Variants in RPLP1 observed in about 807,000 individuals in gnomAD.
The protein encoded by RPLP1 is ribosomal protein lateral stalk subunit P1.
In RPLP1, 4 loss-of-function variants were observed where a neutral mutation model predicts 11.6. The observed-to-expected ratio is 0.34, with a 90% CI of 0.17 to 0.79. The LOEUF (loss-of-function observed/expected upper bound fraction) is 0.79, where lower values mean the gene tolerates loss of function less well. Ranked by LOEUF, RPLP1 falls within the 30% of genes least tolerant of loss-of-function variation. The pLI is 0.55. For synonymous variants in RPLP1, 54 were observed against 52.2 expected (o/e 1.03, Z -0.15); for missense variants, 133 against 142.8 (o/e 0.93, Z 0.35).
rs1275591141 is a variant in RPLP1, at chr15:69,455,878, A to G, written c.*371A>G. Reference sequence around the variant, plus strand: ...AAAGCCTCCTGGGTATTTACCCTATACAACCCTGCCTAAGAACGAACTTTG... The same window carrying G: ...AAAGCCTCCTGGGTATTTACCCTATGCAACCCTGCCTAAGAACGAACTTTG... On this transcript the variant is annotated 3_prime_UTR_variant, in exon 4 of 4. Transcript: ENST00000260379. 5.5e-6 allele frequency: 1 copy of G among 180,320 alleles called. No homozygotes were observed. The highest frequency in any genetic ancestry group is 1.2e-5 in the Non-Finnish European group (1 of 85,788). 11.2% of individuals were successfully genotyped at this position (180,320 alleles called of 1,614,324 possible).
At chr15:69,454,939 A>G in intron 2 of RPLP1, 1 of 391,298 alleles carries the variant, frequency 2.6e-6, no homozygotes, top group Non-Finnish European at 4.3e-6. Flanking sequence ...TCTTATATAA[A>G]TGTATTTGCA....
rs914639118 is a variant in RPLP1 at position 69,452,845 on chromosome 15, C to G, written c.-104C>G. On this transcript the variant is annotated 5_prime_UTR_variant, in exon 1 of 4. Coordinates refer to ENST00000260379, the MANE Select transcript of RPLP1 (RefSeq NM_001003.3). ...CCTTTCCTCAGCTGCCGCCAAGGTGCTCGGTCCTTCCGAGGAAGCTAAGGC... is the reference window on the plus strand; with the variant it reads ...CCTTTCCTCAGCTGCCGCCAAGGTGGTCGGTCCTTCCGAGGAAGCTAAGGC... The G allele has an allele frequency of 3.7e-6, 4 of 1,085,604 alleles. No individual in the cohort carries two copies. Among genetic ancestry groups the G allele is most frequent in the East Asian group, 2.6e-5 (1 of 38,542 alleles). The allele number at this position is 1,085,604 out of a possible 1,614,324, so 67.2% of individuals were successfully genotyped here.
At position 69,452,868 on chromosome 15, in the gene RPLP1, G is replaced by T. The variant is rs1892367362; in HGVS notation, c.-81G>T. 1.5e-6 allele frequency: 2 copies of T among 1,320,798 alleles called. No individual in the cohort carries two copies. The highest frequency in any genetic ancestry group is 1.5e-5 in the African/African-American group (1 of 68,782). 81.8% of individuals were successfully genotyped at this position (1,320,798 alleles called of 1,614,324 possible). Reference sequence around the variant, plus strand: ...TGCTCGGTCCTTCCGAGGAAGCTAAGGCTGCGTTGGGGTGAGGCCCTCACT... The same window carrying T: ...TGCTCGGTCCTTCCGAGGAAGCTAATGCTGCGTTGGGGTGAGGCCCTCACT... On this transcript the variant is annotated 5_prime_UTR_variant, in exon 1 of 4. It adds an upstream start codon to the 5' untranslated region. Coordinates refer to ENST00000260379, the MANE Select transcript of RPLP1 (RefSeq NM_001003.3).
chr15:69,455,454 AAAG>A lies in RPLP1; in HGVS notation c.298_300del (p.Glu100del). On this transcript the variant is annotated inframe_deletion, in exon 4 of 4. Coordinates refer to ENST00000260379, the MANE Select transcript of RPLP1 (RefSeq NM_001003.3). ...TGAGGAGAAGAAAGTGGAAGCAAAG[AAAG>A]AAGAATCCGAGGAGTCTGATGATGA... 1 of 1,611,838 alleles carries A rather than the reference AAAG, an allele frequency of 6.2e-7. No homozygotes were observed. Among genetic ancestry groups the A allele is most frequent in the Non-Finnish European group, 8.5e-7 (1 of 1,179,716 alleles).
chr15:69,455,090 G>C, intron 2 of RPLP1, 80 bp from the exon 3 acceptor site: 1 of 1,498,004 alleles, frequency 6.7e-7, no homozygotes, highest in Admixed American at 2.5e-5. Context: ...TGGAATGGGG[G>C]ATACTTTTCG....
At position 69,455,081 on chromosome 15, in the gene RPLP1, G is replaced by T; in HGVS notation, c.148-89G>T. The T allele has an allele frequency of 4.0e-6, 6 of 1,495,474 alleles. No individual in the cohort carries two copies. The South Asian group carries it at 8.5e-5, about 21-fold the overall frequency. The allele number at this position is 1,495,474 out of a possible 1,614,324, so 92.6% of individuals were successfully genotyped here. On this transcript the variant is annotated intron_variant, in intron 2 of 3. Coordinates refer to ENST00000260379, the MANE Select transcript of RPLP1 (RefSeq NM_001003.3). ...TGTTAGGGGTTGATCACTGTAACCTGGAATGGGGGATACTTTTCGTTTTTG... is the reference window on the plus strand; with the variant it reads ...TGTTAGGGGTTGATCACTGTAACCTTGAATGGGGGATACTTTTCGTTTTTG...
At chr15:69,454,934 T>C in intron 2 of RPLP1, 3 of 368,380 alleles carry the variant, frequency 8.1e-6, no homozygotes, top group Admixed American at 9.4e-5. Context: ...CCATCTCTTA[T>C]ATAAATGTAT....
Position 69,452,836 on chromosome 15 carries a change from G to C in RPLP1, c.-113G>C. 1 of 999,424 alleles carries C rather than the reference G, an allele frequency of 1.0e-6. No homozygotes were observed. Among genetic ancestry groups the C allele is most frequent in the South Asian group, 1.4e-5 (1 of 71,782 alleles). The allele number at this position is 999,424 out of a possible 1,614,324, so 61.9% of individuals were successfully genotyped here. ...GCGAGAGCCCCTTTCCTCAGCTGCCGCCAAGGTGCTCGGTCCTTCCGAGGA... is the reference window on the plus strand; with the variant it reads ...GCGAGAGCCCCTTTCCTCAGCTGCCCCCAAGGTGCTCGGTCCTTCCGAGGA... On this transcript the variant is annotated 5_prime_UTR_variant, in exon 1 of 4. Transcript: ENST00000260379.
At chr15:69,453,088 C>A in intron 1 of RPLP1, 68 bp downstream of exon 1, 1 of 1,406,916 alleles carries the variant, frequency 7.1e-7, no homozygotes, top group African/African-American at 1.4e-5. Flanking sequence ...CCATGCGGTT[C>A]CCGGCTCCAG....
rs1427599552 is a variant in RPLP1, at chr15:69,453,011, GAC to G, written c.65_66del (p.Thr22SerfsTer5). On this transcript the variant is annotated frameshift_variant, in exon 1 of 4. Transcript: ENST00000260379. LOFTEE classifies it high-confidence loss of function. Reference protein sequence around the residue: ...SALILHDDEVTVTEDKINALI... With the variant: ...SALILHDDEVXVTEDKINALI... The stretch of plus-strand genomic sequence containing the variant: ...CCCTCATTCTGCACGACGATGAGGT[GAC>G]AGTCACGGTGAGTGCGGGCGCGGGC... 4 of 1,571,102 alleles carry G rather than the reference GAC, an allele frequency of 2.5e-6. No homozygotes were observed. Among genetic ancestry groups the G allele is most frequent in the African/African-American group, 1.4e-5 (1 of 73,614 alleles).
In RPLP1 at chr15:69,453,741, G is replaced by A. The variant is rs1567087680; in HGVS notation, c.147+20G>A. 6.2e-7 allele frequency: 1 copy of A among 1,613,898 alleles called. No individual in the cohort carries two copies. Among genetic ancestry groups the A allele is most frequent in the East Asian group, 2.2e-5 (1 of 44,882 alleles). On this transcript the variant is annotated intron_variant, in intron 2 of 3. Transcript: ENST00000260379. ...GCAAAGGTAAGGTGATGGTGGCAAA[G>A]TGATTGTGGTAAGGCCTGCTGATTT...
At chr15:69,453,285 G>A (rs947419507) in intron 1 of RPLP1, 3 of 579,880 alleles carry the variant, frequency 5.2e-6, no homozygotes, top group African/African-American at 1.9e-5. Flanking sequence ...GTGTAGAAAA[G>A]CTCTTCCGCA....
rs143081461 is a variant in RPLP1 at position 69,453,679 on chromosome 15, C to T, written c.105C>T (p.Ala35=). ...AGATCAATGCCCTCATTAAAGCAGC[C>T]GGTGTAAATGTTGAGCCTTTTTGGC... ...EDKINALIKA[A]GVNVEPFWPG... The change falls in exon 2 of 4, where the codon GCC becomes GCT. Residue 35 remains alanine (A), a synonymous_variant. Coordinates refer to ENST00000260379, the MANE Select transcript of RPLP1 (RefSeq NM_001003.3). 7.9e-5 allele frequency: 127 copies of T among 1,614,076 alleles called. No homozygotes were observed. In the African/African-American group the frequency reaches 1.6e-3, roughly 20 times the overall value.
At position 69,455,512 on chromosome 15, in the gene RPLP1, C is replaced by G. The variant is rs201427547; in HGVS notation, c.*5C>G. On this transcript the variant is annotated 3_prime_UTR_variant, in exon 4 of 4. Coordinates refer to ENST00000260379, the MANE Select transcript of RPLP1 (RefSeq NM_001003.3). ...GGCTTTGGTCTTTTTGACTAAACCT[C>G]TTTTATAACATGTTCAATAAAAAGC... 4.1e-5 allele frequency: 66 copies of G among 1,592,428 alleles called. No homozygotes were observed. The highest frequency in any genetic ancestry group is 5.6e-5 in the Non-Finnish European group (65 of 1,170,608).
chr15:69,452,856 C>G lies in RPLP1; in HGVS notation c.-93C>G, dbSNP rs550855075. ...CTGCCGCCAAGGTGCTCGGTCCTTC[C>G]GAGGAAGCTAAGGCTGCGTTGGGGT... is the stretch of plus-strand genomic sequence containing the variant. On this transcript the variant is annotated 5_prime_UTR_variant, in exon 1 of 4. Transcript: ENST00000260379. 6 of 1,217,260 alleles carry G rather than the reference C, an allele frequency of 4.9e-6. No individual in the cohort carries two copies. The highest frequency in any genetic ancestry group is 2.6e-5 in the East Asian group (1 of 39,154). 75.4% of individuals were successfully genotyped at this position (1,217,260 alleles called of 1,614,324 possible). A position where few individuals can be genotyped will look rare whatever the true frequency, so the allele number is the denominator to read the frequency against.
Position 69,452,854 on chromosome 15 carries a change from T to C in RPLP1, c.-95T>C, listed in dbSNP as rs11554450. The C allele has an allele frequency of 2.6e-3, 3,085 of 1,201,004 alleles. 7 individuals are homozygous for C. The highest frequency in any genetic ancestry group is 3.3e-3 in the Non-Finnish European group (2,815 of 840,650). The allele number at this position is 1,201,004 out of a possible 1,614,324, so 74.4% of individuals were successfully genotyped here. The stretch of plus-strand genomic sequence containing the variant: ...AGCTGCCGCCAAGGTGCTCGGTCCT[T>C]CCGAGGAAGCTAAGGCTGCGTTGGG... On this transcript the variant is annotated 5_prime_UTR_variant, in exon 1 of 4. Coordinates refer to ENST00000260379, the MANE Select transcript of RPLP1 (RefSeq NM_001003.3).
At position 69,455,675 on chromosome 15, in the gene RPLP1, AT is replaced by A. The variant is rs1892425367; in HGVS notation, c.*171del. On this transcript the variant is annotated 3_prime_UTR_variant, in exon 4 of 4. Transcript: ENST00000260379. ...CCCTGCCACCATTGCCGGATGTGAG[AT>A]TTAGACAATCCTGATGCTAACAAGA... is the stretch of plus-strand genomic sequence containing the variant. 1 of 609,604 alleles carries A rather than the reference AT, an allele frequency of 1.6e-6. No homozygotes were observed. Among genetic ancestry groups the A allele is most frequent in the Non-Finnish European group, 2.9e-6 (1 of 348,744 alleles). The allele number at this position is 609,604 out of a possible 1,614,324, so 37.8% of individuals were successfully genotyped here. A position where few individuals can be genotyped will look rare whatever the true frequency, so the allele number is the denominator to read the frequency against.
intron 1 of RPLP1, chr15:69,453,442 C>A (rs1892383831): frequency 3.2e-6 from 2 of 620,188 alleles, no homozygotes; most frequent in Non-Finnish European, 5.6e-6. Flanking sequence ...TTAAAAATAG[C>A]CGCGTGACTC....
chr15:69,452,849 G>C lies in RPLP1; in HGVS notation c.-100G>C, dbSNP rs1281781826. The C allele has an allele frequency of 1.8e-6, 2 of 1,132,988 alleles. No homozygotes were observed. Among genetic ancestry groups the C allele is most frequent in the Non-Finnish European group, 2.6e-6 (2 of 779,408 alleles). The allele number at this position is 1,132,988 out of a possible 1,614,324, so 70.2% of individuals were successfully genotyped here. A position where few individuals can be genotyped will look rare whatever the true frequency, so the allele number is the denominator to read the frequency against. On this transcript the variant is annotated 5_prime_UTR_variant, in exon 1 of 4. Coordinates refer to ENST00000260379, the MANE Select transcript of RPLP1 (RefSeq NM_001003.3). ...TCCTCAGCTGCCGCCAAGGTGCTCG[G>C]TCCTTCCGAGGAAGCTAAGGCTGCG...
Sources: gnomAD v4.1 joint callset for allele counts on GRCh38, gnomAD v4.1.1 for gene constraint, MANE v1.5 for transcripts, NCBI Gene and HGNC (gene_info 2026-07-23, HGNC 2026-07-21) for gene names.